NECAB2: variants seen among roughly 807,000 people sequenced by gnomAD.
NECAB2 encodes the protein N-terminal EF-hand calcium-binding protein 2.
In NECAB2, 68 loss-of-function variants were observed where a neutral mutation model predicts 51.9. The ratio of observed to expected loss-of-function variants is 1.31; its 90% CI spans 1.08 to 1.60. The LOEUF (loss-of-function observed/expected upper bound fraction) is 1.60. Among genes scored for constraint, NECAB2 ranks in the 40% most tolerant of loss-of-function variants. NECAB2 has a pLI of 0.00. For synonymous variants in NECAB2, 329 were observed against 203.5 expected (o/e 1.62, Z -5.25); for missense variants, 854 against 490.3 (o/e 1.74, Z -7.00).
intron 2 of NECAB2, among the ~76,000 whole-genome samples, chr16:83,977,238 C>T (rs566906032): frequency 1.0e-3 from 153 of 152,220 alleles, no homozygotes; most frequent in African/African-American, 3.5e-3. Flanking sequence ...TCATGGGCTC[C>T]CTCTTGTCTC....
intron 1 of NECAB2, among the ~76,000 whole-genome samples, chr16:83,969,664 G>A (rs955065265): frequency 6.6e-6 from 1 of 151,026 alleles, no homozygotes; most frequent in Admixed American, 6.6e-5. Context: ...GGAATCTTCA[G>A]GGGGCGGCTC....
In NECAB2 at chr16:84,002,493, G is replaced by A. The variant is rs1180313704; in HGVS notation, c.*147G>A. The A allele has an allele frequency of 2.8e-6, 3 of 1,082,804 alleles. No homozygotes were observed. Among genetic ancestry groups the A allele is most frequent in the African/African-American group, 3.2e-5 (2 of 63,198 alleles). The allele number at this position is 1,082,804 out of a possible 1,614,324, so 67.1% of individuals were successfully genotyped here. Reference sequence around the variant, plus strand: ...GGTGTTTCCCTGTTGTTAAGTGAAGGAGGCCGCCCCTGCCCCCACCTGAGA... The same window carrying A: ...GGTGTTTCCCTGTTGTTAAGTGAAGAAGGCCGCCCCTGCCCCCACCTGAGA... On this transcript the variant is annotated 3_prime_UTR_variant, in exon 13 of 13. Coordinates refer to ENST00000305202, the MANE Select transcript of NECAB2 (RefSeq NM_019065.3).
Position 83,968,512 on chromosome 16 carries a change from G to C in NECAB2, c.-137G>C, listed in dbSNP as rs1179070688. 18 of 684,502 alleles carry C rather than the reference G, an allele frequency of 2.6e-5. No homozygotes were observed. The highest frequency in any genetic ancestry group is 3.2e-5 in the Non-Finnish European group (18 of 558,676). The allele number at this position is 684,502 out of a possible 1,614,324, so 42.4% of individuals were successfully genotyped here. On this transcript the variant is annotated 5_prime_UTR_variant, in exon 1 of 13. Transcript: ENST00000305202. ...CGCCCCCCGGCGCCGGCCAGTCCCC[G>C]CGGTGTCCGCGGCCGCGGGGGCAGC...
chr16:83,971,550 C>T (rs565584661), intron 1 of NECAB2: 131 of 153,506 alleles, frequency 8.5e-4, no homozygotes, highest in Non-Finnish European at 1.2e-3. Flanking sequence ...TTGGAGCTGC[C>T]CTCCACCCAT....
chr16:83,968,672 G>C lies in NECAB2; in HGVS notation c.24G>C (p.Leu8=), dbSNP rs1487707132. 1.7e-5 allele frequency: 17 copies of C among 985,374 alleles called. No homozygotes were observed. The highest frequency in any genetic ancestry group is 2.0e-5 in the Non-Finnish European group (17 of 831,586). 61.0% of individuals were successfully genotyped at this position (985,374 alleles called of 1,614,324 possible). A position where few individuals can be genotyped will look rare whatever the true frequency, so the allele number is the denominator to read the frequency against. MCERAAR[L]CRAGAHRLLR... is the part of the protein sequence containing the mutation. ...CGATGTGCGAGCGGGCGGCGCGCCT[G>C]TGCAGGGCCGGCGCGCACAGGCTGC... Residue 8 remains leucine, a synonymous_variant, in exon 1 of 13, where the codon CTG becomes CTC. Transcript: ENST00000305202.
intron 8 of NECAB2, among the ~76,000 whole-genome samples, chr16:83,996,984 C>G (rs917352133): frequency 6.6e-5 from 10 of 152,124 alleles, no homozygotes; most frequent in African/African-American, 2.4e-4. Context: ...ACTCAGGCCT[C>G]TGGAGTCCCC....
chr16:83,989,949 C>A (rs772638929), intron 5 of NECAB2, among the ~76,000 whole-genome samples: 1 of 152,132 alleles, frequency 6.6e-6, no homozygotes, highest in African/African-American at 2.4e-5. Flanking sequence ...CTTTTGATTC[C>A]GTTTTGTCAT....
intron 5 of NECAB2, among the ~76,000 whole-genome samples, chr16:83,986,401 A>G (rs1292374384): frequency 6.6e-6 from 1 of 152,228 alleles, no homozygotes; most frequent in East Asian, 1.9e-4. Context: ...GTGCACTAAT[A>G]CATAGGTAAA....
chr16:83,984,286 C>T (rs892138831), intron 5 of NECAB2, among the ~76,000 whole-genome samples: 9 of 151,782 alleles, frequency 5.9e-5, no homozygotes, highest in African/African-American at 1.7e-4. Context: ...TGAGCCACCG[C>T]GCCCGGCGGA....
intron 9 of NECAB2, among the ~76,000 whole-genome samples, chr16:83,997,733 T>C (rs2084734894): frequency 6.6e-6 from 1 of 152,030 alleles, no homozygotes; most frequent in South Asian, 2.1e-4. Context: ...ATCCTCATGA[T>C]CTGCCCACCT....
intron 1 of NECAB2, among the ~76,000 whole-genome samples, chr16:83,969,207 G>T (rs2084322803): frequency 6.6e-6 from 1 of 151,064 alleles, no homozygotes; most frequent in African/African-American, 2.4e-5. Context: ...GGAGCCCCTC[G>T]CCGCGTCCAG....
chr16:83,990,155 T>C (rs2084603768), intron 5 of NECAB2, among the ~76,000 whole-genome samples: 1 of 152,236 alleles, frequency 6.6e-6, no homozygotes, highest in African/African-American at 2.4e-5. Flanking sequence ...GTCTTTGCTG[T>C]GTGGCAGGCC....
intron 10 of NECAB2, 64 bp from the exon 11 acceptor site, chr16:84,000,660 G>T: frequency 7.0e-7 from 1 of 1,437,736 alleles, no homozygotes; most frequent in South Asian, 1.2e-5. Flanking sequence ...CACCCCAGGG[G>T]AACAGCACTG....
chr16:84,000,573 C>T, intron 10 of NECAB2, 151 bp from the exon 11 acceptor site: 2 of 601,992 alleles, frequency 3.3e-6, no homozygotes, highest in Non-Finnish European at 5.9e-6. Flanking sequence ...CTGGGGTCAC[C>T]CTGTCGAGTC....
In NECAB2 at chr16:83,972,185, C is replaced by A. The variant is rs2084357192; in HGVS notation, c.226+10C>A. On this transcript the variant is annotated intron_variant, in intron 2 of 12. Transcript: ENST00000305202. ...CGTGCGGACAAAAATGGTGAGTTTC[C>A]CTTCCAGGCCGACGGCCGCCCCACT... 3 of 1,613,572 alleles carry A rather than the reference C, an allele frequency of 1.9e-6. No homozygotes were observed. Among genetic ancestry groups the A allele is most frequent in the African/African-American group, 1.3e-5 (1 of 75,058 alleles).
chr16:83,981,953 C>T (rs910355599), intron 5 of NECAB2, among the ~76,000 whole-genome samples: 5 of 152,150 alleles, frequency 3.3e-5, no homozygotes, highest in Admixed American at 6.5e-5. Context: ...GCTGATAAAG[C>T]CAGCCAGACC....
intron 6 of NECAB2, among the ~76,000 whole-genome samples, chr16:83,992,268 G>A (rs1369986303): frequency 1.3e-5 from 2 of 151,988 alleles, no homozygotes; most frequent in Non-Finnish European, 2.9e-5. Flanking sequence ...TGCATCTGGG[G>A]TCCCATCCTA....
chr16:83,993,036 C>A (rs952117455), intron 6 of NECAB2, among the ~76,000 whole-genome samples: 2 of 152,222 alleles, frequency 1.3e-5, no homozygotes, highest in Admixed American at 6.5e-5. Context: ...GGGGACCTTA[C>A]TTGGGGATGT....
chr16:83,986,572 G>T (rs1348089190), intron 5 of NECAB2, among the ~76,000 whole-genome samples: 1 of 152,118 alleles, frequency 6.6e-6, no homozygotes, highest in African/African-American at 2.4e-5. Context: ...GAGTACAGTG[G>T]CACAGTCATT....
Sources: gnomAD v4.1 joint callset for allele counts (sites outside exome capture counted in the v4.1 genomes callset) on GRCh38, gnomAD v4.1.1 for gene constraint, MANE v1.5 for transcripts, NCBI Gene and HGNC (gene_info 2026-07-23, HGNC 2026-07-21) for gene names.